The following RANBP2 variants were observed in gnomAD, a reference collection of about 807,000 sequenced individuals.
The protein encoded by RANBP2 is RAN binding protein 2, also known as E3 SUMO-protein ligase RanBP2.
A neutral mutation model predicts 303.6 loss-of-function variants in RANBP2; 57 were observed. The observed-to-expected ratio is 0.19, with a 90% CI of 0.15 to 0.23. RANBP2 has a LOEUF of 0.23. Ranked by LOEUF, RANBP2 falls within the 10% of genes least tolerant of loss-of-function variation. The pLI is 1.00. For missense variants in RANBP2, 3,138 were observed against 3,780.8 expected (o/e 0.83, Z 4.46); for synonymous variants, 1,167 against 1,301.5 (o/e 0.90, Z 2.23).
chr2:108,748,102 C>T (rs1199864978), intron 8 of RANBP2, among the ~76,000 whole-genome samples: 1 of 151,880 alleles, frequency 6.6e-6, no homozygotes, highest in African/African-American at 2.4e-5. Flanking sequence ...CAAGGTTCAT[C>T]TGTGTTATAG....
the RANBP2 span, among the ~76,000 whole-genome samples, chr2:108,921,060 C>A: frequency 6.6e-6 from 1 of 152,182 alleles, no homozygotes; most frequent in Non-Finnish European, 1.5e-5. Context: ...CCAAGCAATT[C>A]GAGTCATAAG....
chr2:108,956,329 A>G, the RANBP2 span, among the ~76,000 whole-genome samples: 1 of 152,208 alleles, frequency 6.6e-6, no homozygotes, highest in Non-Finnish European at 1.5e-5. Context: ...TGAGAGTGTT[A>G]TGATGCCTGT....
At chr2:108,837,357 C>T in the RANBP2 span, among the ~76,000 whole-genome samples, 2 of 152,136 alleles carry the variant, frequency 1.3e-5, no homozygotes, top group Non-Finnish European at 2.9e-5. Context: ...AAATGTTGAA[C>T]CGTCCTTGCA....
chr2:109,433,071 TTG>T, the RANBP2 span, among the ~76,000 whole-genome samples: 1 of 152,196 alleles, frequency 6.6e-6, no homozygotes, highest in Non-Finnish European at 1.5e-5. Context: ...TGCATGGTAT[TTG>T]TGCATGTGTG....
chr2:109,325,331 C>CTTTTTTTTTTTTTT, the RANBP2 span, among the ~76,000 whole-genome samples: 1 of 66,256 alleles, frequency 1.5e-5, no homozygotes, highest in Non-Finnish European at 2.7e-5. Context: ...TTCTTTCTTT[C>CTTTTTTTTTTTTTT]TTTTTTTTTT....
chr2:109,290,189 T>C, the RANBP2 span, among the ~76,000 whole-genome samples: 1 of 152,192 alleles, frequency 6.6e-6, no homozygotes, highest in African/African-American at 2.4e-5. Flanking sequence ...TCCGGGTGGC[T>C]TAGGTCTGGG....
At chr2:109,168,056 T>C in the RANBP2 span, among the ~76,000 whole-genome samples, 1 of 152,326 alleles carries the variant, frequency 6.6e-6, no homozygotes, top group Middle Eastern at 3.4e-3. Context: ...TGTGGGACTT[T>C]CATTTACTAA....
the RANBP2 span, among the ~76,000 whole-genome samples, chr2:109,557,195 A>G: frequency 6.6e-6 from 1 of 152,152 alleles, no homozygotes; most frequent in Non-Finnish European, 1.5e-5. Flanking sequence ...AAAAAATTAT[A>G]AAAAAAATCT....
At chr2:109,629,843 TG>T in the RANBP2 span, among the ~76,000 whole-genome samples, 1 of 152,072 alleles carries the variant, frequency 6.6e-6, no homozygotes, top group Non-Finnish European at 1.5e-5. Context: ...GAGTATGGTT[TG>T]GTAAATACAC....
chr2:109,078,882 T>G, the RANBP2 span, among the ~76,000 whole-genome samples: 1 of 151,546 alleles, frequency 6.6e-6, no homozygotes, highest in East Asian at 1.9e-4. Flanking sequence ...TCCCAGCTAC[T>G]TGGGAGGCTG....
chr2:109,226,689 C>T, the RANBP2 span, among the ~76,000 whole-genome samples: 12 of 152,274 alleles, frequency 7.9e-5, 1 homozygote, highest in South Asian at 1.9e-3. Flanking sequence ...TTTGTGGCTC[C>T]GTTTGCTCCT....
chr2:109,226,725 A>G, the RANBP2 span, among the ~76,000 whole-genome samples: 1 of 152,186 alleles, frequency 6.6e-6, no homozygotes, highest in African/African-American at 2.4e-5. Flanking sequence ...CTCCACGCAG[A>G]AGGCGTGGTG....
At chr2:109,653,675 C>T in the RANBP2 span, among the ~76,000 whole-genome samples, 31,178 of 152,012 alleles carry the variant, frequency 0.21, 3,617 homozygotes, top group Middle Eastern at 0.29. Context: ...GGTGGGTAAG[C>T]GGGTCACACA....
At chr2:108,862,186 C>A in the RANBP2 span, among the ~76,000 whole-genome samples, 1 of 150,454 alleles carries the variant, frequency 6.6e-6, no homozygotes, top group African/African-American at 2.4e-5. Context: ...GGGAATGACC[C>A]ATGCCACTTA....
At chr2:109,564,633 A>G in the RANBP2 span, 1 of 1,050,278 alleles carries the variant, frequency 9.5e-7, no homozygotes, top group African/African-American at 1.6e-5. Flanking sequence ...AACATGTGAA[A>G]CAACAAATAG....
chr2:108,910,855 G>C, the RANBP2 span: 2 of 1,614,126 alleles, frequency 1.2e-6, no homozygotes, highest in African/African-American at 1.3e-5. Flanking sequence ...AACAGGCTGG[G>C]GAGAGAGGAG....
chr2:109,157,655 T>A, the RANBP2 span, among the ~76,000 whole-genome samples: 1 of 152,294 alleles, frequency 6.6e-6, no homozygotes, highest in East Asian at 1.9e-4. Flanking sequence ...GAAAGGGATA[T>A]AAAGATGTGA....
chr2:109,438,109 T>A, the RANBP2 span, among the ~76,000 whole-genome samples: 8 of 152,214 alleles, frequency 5.3e-5, no homozygotes, highest in Admixed American at 3.9e-4. Context: ...CCATTAGAAG[T>A]GTCCAGAAAG....
the RANBP2 span, among the ~76,000 whole-genome samples, chr2:109,280,635 C>T: frequency 1.6e-4 from 24 of 152,236 alleles, no homozygotes; most frequent in Admixed American, 2.0e-4. Flanking sequence ...AATAGATCTG[C>T]TCATCAAAAG....
Sources: gnomAD v4.1 joint callset for allele counts (sites outside exome capture counted in the v4.1 genomes callset) on GRCh38, gnomAD v4.1.1 for gene constraint, MANE v1.5 for transcripts, NCBI Gene and HGNC (gene_info 2026-07-23, HGNC 2026-07-21) for gene names.